MYO16: variants seen among roughly 807,000 people sequenced by gnomAD.
The protein encoded by MYO16 is myosin XVI.
A neutral mutation model predicts 205.3 loss-of-function variants in MYO16; 94 were observed. That is an observed-to-expected ratio of 0.46 (90% CI 0.39 to 0.54). The LOEUF (loss-of-function observed/expected upper bound fraction) is 0.54. Among genes scored for constraint, MYO16 ranks in the 20% least tolerant of loss-of-function variants. The pLI is 0.00. For missense variants in MYO16, 2,315 were observed against 2,387.5 expected, an observed-to-expected ratio of 0.97 and a Z score of 0.63; for synonymous variants, 988 against 954.0, an observed-to-expected ratio of 1.04 and a Z score of -0.66.
At chr13:108,498,077 G>A in the MYO16 span, among the ~76,000 whole-genome samples, 1 of 152,178 alleles carries the variant, frequency 6.6e-6, no homozygotes, top group African/African-American at 2.4e-5. Context: ...ATTTGCATAA[G>A]TGAGAAGAGA....
At chr13:109,149,557 A>T (rs1021311557) in intron 32 of MYO16, among the ~76,000 whole-genome samples, 5 of 152,232 alleles carry the variant, frequency 3.3e-5, no homozygotes, top group African/African-American at 1.2e-4. Flanking sequence ...AAATAATGAT[A>T]CAAGGTCTCT....
intron 1 of MYO16, among the ~76,000 whole-genome samples, chr13:108,654,279 T>C (rs1881143675): frequency 6.6e-6 from 1 of 152,124 alleles, no homozygotes; most frequent in Non-Finnish European, 1.5e-5. Flanking sequence ...AGGAACCCAG[T>C]GGGAGATAAT....
intron 27 of MYO16, among the ~76,000 whole-genome samples, chr13:109,091,070 A>C (rs1201276101): frequency 6.6e-6 from 1 of 152,030 alleles, no homozygotes. Context: ...ACCCTTCCGC[A>C]CCTGCTTTGT....
chr13:109,185,244 G>T (rs925256376), intron 34 of MYO16, among the ~76,000 whole-genome samples: 3 of 152,062 alleles, frequency 2.0e-5, no homozygotes, highest in African/African-American at 2.4e-5. Context: ...AATTTAATTG[G>T]TTTTTAAAGT....
chr13:109,085,238 C>T (rs1352271765), intron 27 of MYO16, among the ~76,000 whole-genome samples: 4 of 152,144 alleles, frequency 2.6e-5, no homozygotes, highest in African/African-American at 9.6e-5. Flanking sequence ...AGCAAGACCA[C>T]GCAACAAATT....
At chr13:109,146,631 A>G (rs1877343286) in intron 32 of MYO16, among the ~76,000 whole-genome samples, 1 of 151,920 alleles carries the variant, frequency 6.6e-6, no homozygotes, top group Admixed American at 6.6e-5. Flanking sequence ...TACAAAAAAA[A>G]CAATAATGAT....
intron 16 of MYO16, among the ~76,000 whole-genome samples, chr13:108,917,784 T>C (rs1881563549): frequency 6.6e-6 from 1 of 152,248 alleles, no homozygotes; most frequent in African/African-American, 2.4e-5. Flanking sequence ...TACATTACTT[T>C]TAAATGGTCA....
At chr13:109,033,897 A>G (rs1478276921) in intron 23 of MYO16, among the ~76,000 whole-genome samples, 1 of 152,162 alleles carries the variant, frequency 6.6e-6, no homozygotes, top group Non-Finnish European at 1.5e-5. Context: ...CCCTTGTAGG[A>G]GAGGAAGATA....
chr13:108,956,212 A>G (rs181214174), intron 16 of MYO16, among the ~76,000 whole-genome samples: 36 of 152,152 alleles, frequency 2.4e-4, no homozygotes, highest in Non-Finnish European at 1.3e-4. Context: ...TGGGCCCGCA[A>G]TCCACCCTGT....
At position 109,162,852 on chromosome 13, in the gene MYO16, T is replaced by TA. The variant is rs772884924; in HGVS notation, c.5165-2041dup. 4.0e-4 allele frequency among the ~76,000 whole-genome samples: 60 copies of TA among 151,890 alleles called. No homozygotes were observed. Among genetic ancestry groups the TA allele is most frequent in the East Asian group, 1.6e-3 (8 of 5,146 alleles). ...CTGGCATTCGGAAGCTTAACAGAAATAAAAAAAAGCCAAACTAGAGTTGAC... is the reference window on the plus strand; with the variant it reads ...CTGGCATTCGGAAGCTTAACAGAAATAAAAAAAAAGCCAAACTAGAGTTGAC... On this transcript the variant is annotated intron_variant, in intron 32 of 34. Coordinates refer to ENST00000457511, the MANE Select transcript of MYO16 (RefSeq NM_001198950.3). This position sits in a 1 kb window ranked among gnomAD's most constrained non-coding sequence, Gnocchi z 4.6.
At chr13:108,572,096 A>AAT in the MYO16 span, among the ~76,000 whole-genome samples, 1 of 151,708 alleles carries the variant, frequency 6.6e-6, no homozygotes, top group African/African-American at 2.4e-5. Context: ...ATTATTAAAA[A>AAT]ATATATATAT....
At chr13:108,996,464 T>A (rs1171061453) in intron 21 of MYO16, among the ~76,000 whole-genome samples, 1 of 152,172 alleles carries the variant, frequency 6.6e-6, no homozygotes, top group African/African-American at 2.4e-5. Flanking sequence ...GTTGATGAAA[T>A]TTTTAAAAAT....
chr13:108,611,497 C>G (rs2139318710), intron 1 of MYO16, among the ~76,000 whole-genome samples: 1 of 152,230 alleles, frequency 6.6e-6, no homozygotes, highest in Admixed American at 6.5e-5. Context: ...AAAATTTGAA[C>G]ACTACAGTCT....
chr13:108,751,842 A>G (rs1490248988), intron 4 of MYO16, among the ~76,000 whole-genome samples: 1 of 152,112 alleles, frequency 6.6e-6, no homozygotes, highest in Admixed American at 6.6e-5. Context: ...GCTCTTCAAA[A>G]CTGTCAATGT....
intron 2 of MYO16, among the ~76,000 whole-genome samples, chr13:108,702,038 A>C (rs1883329323): frequency 6.6e-6 from 1 of 152,132 alleles, no homozygotes; most frequent in Non-Finnish European, 1.5e-5. Flanking sequence ...ATGAAGAAAA[A>C]TGAGCACAGC....
the MYO16 span, among the ~76,000 whole-genome samples, chr13:108,553,955 T>C: frequency 6.6e-6 from 1 of 152,202 alleles, no homozygotes; most frequent in African/African-American, 2.4e-5. Flanking sequence ...TGTCTCCCCC[T>C]GTGCTCCTTC....
At chr13:108,927,026 C>G (rs1032992020) in intron 16 of MYO16, among the ~76,000 whole-genome samples, 1 of 151,926 alleles carries the variant, frequency 6.6e-6, no homozygotes, top group South Asian at 2.1e-4. Context: ...AGCATGACAA[C>G]AAGGTACACA....
At chr13:108,534,072 G>C in the MYO16 span, among the ~76,000 whole-genome samples, 1 of 152,152 alleles carries the variant, frequency 6.6e-6, no homozygotes, top group Admixed American at 6.5e-5. Flanking sequence ...GAATTGAAAC[G>C]GTGCTTGTTC....
At chr13:109,101,031 T>A in intron 28 of MYO16, 144 bp downstream of exon 28, 1 of 640,502 alleles carries the variant, frequency 1.6e-6, no homozygotes, top group Admixed American at 2.6e-5. Context: ...GTGTATTCCC[T>A]GGAAATTTGT....
Sources: gnomAD v4.1 joint callset for allele counts (sites outside exome capture counted in the v4.1 genomes callset) on GRCh38, gnomAD v4.1.1 for gene constraint, Gnocchi (gnomAD v3.1) non-coding constraint, MANE v1.5 for transcripts, NCBI Gene and HGNC (gene_info 2026-07-23, HGNC 2026-07-21) for gene names.